Variants in GALNTL6 observed in about 807,000 individuals in gnomAD.
GALNTL6 encodes polypeptide N-acetylgalactosaminyltransferase-like 6.
GALNTL6 carries 46 observed loss-of-function variants against 73.7 expected under a neutral mutation model. The observed-to-expected ratio is 0.62, with a 90% CI of 0.49 to 0.80. The LOEUF is 0.80. Ranked by LOEUF, GALNTL6 falls within the 30% of genes least tolerant of loss-of-function variation. GALNTL6 has a pLI of 0.00. For synonymous variants in GALNTL6, 259 were observed against 263.7 expected, an observed-to-expected ratio of 0.98 and a Z score of 0.17; for missense variants, 604 against 755.0, an observed-to-expected ratio of 0.80 and a Z score of 2.34.
chr4:172,489,678 C>T (rs1169778174), intron 5 of GALNTL6, among the ~76,000 whole-genome samples: 2 of 152,084 alleles, frequency 1.3e-5, no homozygotes, highest in African/African-American at 4.8e-5. Flanking sequence ...TGGGACTAAA[C>T]CTAATGAATA....
chr4:172,998,323 C>T (rs1751887286), intron 10 of GALNTL6, among the ~76,000 whole-genome samples: 1 of 152,156 alleles, frequency 6.6e-6, no homozygotes, highest in African/African-American at 2.4e-5. Context: ...AAAAGCATTC[C>T]TAGTATGTTG....
At chr4:172,231,771 T>C (rs1433712459) in intron 3 of GALNTL6, among the ~76,000 whole-genome samples, 1 of 152,128 alleles carries the variant, frequency 6.6e-6, no homozygotes, top group Non-Finnish European at 1.5e-5. Flanking sequence ...TAAGTTACTT[T>C]TACATGAATT....
At chr4:172,764,246 C>A (rs1257638804) in intron 5 of GALNTL6, among the ~76,000 whole-genome samples, 2 of 152,150 alleles carry the variant, frequency 1.3e-5, no homozygotes, top group Non-Finnish European at 2.9e-5. Context: ...CGCGAACCAC[C>A]GCGCCTGGCC....
chr4:171,857,421 T>C (rs1265860982), intron 2 of GALNTL6, among the ~76,000 whole-genome samples: 2 of 152,062 alleles, frequency 1.3e-5, no homozygotes, highest in Non-Finnish European at 2.9e-5. Context: ...TCAGATGTGG[T>C]GGTGATGGCT....
At chr4:172,131,432 C>T (rs202208402) in intron 2 of GALNTL6, among the ~76,000 whole-genome samples, 52,081 of 135,352 alleles carry the variant, frequency 0.38, 9,740 homozygotes, top group Non-Finnish European at 0.4. Flanking sequence ...TATATATACA[C>T]ACACACACAC....
intron 2 of GALNTL6, among the ~76,000 whole-genome samples, chr4:172,157,593 C>T (rs534626689): frequency 3.5e-4 from 53 of 152,074 alleles, no homozygotes; most frequent in African/African-American, 1.3e-3. Context: ...TACTTGTTTC[C>T]CTGTAATCAA....
At chr4:171,945,693 G>A (rs940483147) in intron 2 of GALNTL6, among the ~76,000 whole-genome samples, 2 of 152,072 alleles carry the variant, frequency 1.3e-5, no homozygotes, top group African/African-American at 4.8e-5. Flanking sequence ...AGGTTTCGGG[G>A]AAGAGCTTAT....
Position 172,939,923 on chromosome 4 carries a change from G to A in GALNTL6, c.1149+8655G>A, listed in dbSNP as rs375521742. Among the ~76,000 whole-genome samples, 161 of 152,108 alleles carry A rather than the reference G, an allele frequency of 1.1e-3. No individual in the cohort carries two copies. In the South Asian group the frequency reaches 0.015, roughly 14 times the overall value. On this transcript the variant is annotated intron_variant, in intron 9 of 12. Transcript: ENST00000506823. ...CATCTACTGCCTTAATTCCTAACCC[G>A]ATGGCATCAGAATTTTTAAACTATA...
At chr4:172,080,590 A>C (rs1731849726) in intron 2 of GALNTL6, among the ~76,000 whole-genome samples, 1 of 152,102 alleles carries the variant, frequency 6.6e-6, no homozygotes, top group Admixed American at 6.6e-5. Context: ...ATTTATAAAT[A>C]GACCTATATA....
At chr4:172,744,788 A>C (rs1360682444) in intron 5 of GALNTL6, among the ~76,000 whole-genome samples, 1 of 151,800 alleles carries the variant, frequency 6.6e-6, no homozygotes, top group Non-Finnish European at 1.5e-5. Flanking sequence ...AGTCAATCTC[A>C]TAGTGCCATT....
intron 2 of GALNTL6, among the ~76,000 whole-genome samples, chr4:171,826,160 T>C (rs181217509): frequency 1.4e-4 from 22 of 152,296 alleles, no homozygotes; most frequent in Non-Finnish European, 2.5e-4. Flanking sequence ...TCCAATCTTC[T>C]TTCTCTCTTC....
chr4:172,303,505 A>C (rs1740015733), intron 3 of GALNTL6, among the ~76,000 whole-genome samples: 1 of 152,152 alleles, frequency 6.6e-6, no homozygotes, highest in Non-Finnish European at 1.5e-5. Context: ...TCTCAGTATC[A>C]TGTCTGTGAC....
intron 2 of GALNTL6, among the ~76,000 whole-genome samples, chr4:171,905,093 GC>G (rs1737232179): frequency 6.6e-6 from 1 of 152,096 alleles, no homozygotes; most frequent in Non-Finnish European, 1.5e-5. Context: ...CAACTAATGA[GC>G]AAAATAACCA....
At position 172,497,991 on chromosome 4, in the gene GALNTL6, C is replaced by CTTTTTTTTTTTTTTTTT. The variant is rs10669113; in HGVS notation, c.553+149312_553+149313insTTTTTTTTTTTTTTTTT. ...ACAGACTTTGGGGAATGTCACATTT[C>CTTTTTTTTTTTTTTTTT]TTTTTTTTTTGTTTTTTTGAGATGG... On this transcript the variant is annotated intron_variant, in intron 5 of 12. Coordinates refer to ENST00000506823, the MANE Select transcript of GALNTL6 (RefSeq NM_001034845.3). Among the ~76,000 whole-genome samples, 5 of 104,584 alleles carry CTTTTTTTTTTTTTTTTT rather than the reference C, an allele frequency of 4.8e-5. 1 individual carries two copies. The highest frequency in any genetic ancestry group is 3.7e-5 in the Non-Finnish European group (2 of 54,034). The allele number at this position is 104,584 out of a possible 152,430, so 68.6% of individuals were successfully genotyped here. A position where few individuals can be genotyped will look rare whatever the true frequency, so the allele number is the denominator to read the frequency against.
At chr4:172,247,907 T>C (rs541571592) in intron 3 of GALNTL6, among the ~76,000 whole-genome samples, 4 of 152,346 alleles carry the variant, frequency 2.6e-5, no homozygotes, top group African/African-American at 9.6e-5. Flanking sequence ...TAAATGCTTA[T>C]TGAAATTTTT....
intron 7 of GALNTL6, among the ~76,000 whole-genome samples, chr4:172,867,102 C>T (rs1250564834): frequency 6.6e-6 from 1 of 152,158 alleles, no homozygotes; most frequent in Non-Finnish European, 1.5e-5. Flanking sequence ...TCAGAATCTT[C>T]TGAGTATGCT....
chr4:172,482,251 C>T (rs988328668), intron 5 of GALNTL6, among the ~76,000 whole-genome samples: 5 of 152,222 alleles, frequency 3.3e-5, no homozygotes, highest in African/African-American at 1.2e-4. Context: ...ACCTGCGCCT[C>T]TCCCTCCACA....
chr4:172,963,268 C>A (rs1049774203), intron 10 of GALNTL6, among the ~76,000 whole-genome samples: 12 of 152,156 alleles, frequency 7.9e-5, no homozygotes, highest in Non-Finnish European at 1.6e-4. Flanking sequence ...CTCAAAAATT[C>A]ATCTTCTCAG....
chr4:172,497,508 A>G (rs186819), intron 5 of GALNTL6, among the ~76,000 whole-genome samples: 150,941 of 152,338 alleles, frequency 0.99, 74,800 homozygotes, highest in Middle Eastern at 1. Flanking sequence ...AATCAGTCAT[A>G]CCTAACACCA....
Sources: allele counts gnomAD v4.1 joint callset (sites outside exome capture counted in the v4.1 genomes callset), GRCh38; gene constraint gnomAD v4.1.1; transcripts MANE v1.5; gene names NCBI Gene and HGNC (gene_info 2026-07-23, HGNC 2026-07-21).